RBP2: variants seen among roughly 807,000 people sequenced by gnomAD.
The protein encoded by RBP2 is retinol binding protein 2.
A neutral mutation model predicts 17.0 loss-of-function variants in RBP2; 17 were observed. The observed-to-expected ratio is 1.00, with a 90% CI of 0.68 to 1.50. The LOEUF is 1.50. Among genes scored for constraint, RBP2 ranks in the 40% most tolerant of loss-of-function variants. The pLI is 0.00. For missense variants in RBP2, 158 were observed against 168.2 expected, an observed-to-expected ratio of 0.94 and a Z score of 0.33; for synonymous variants, 48 against 57.1, an observed-to-expected ratio of 0.84 and a Z score of 0.72.
chr3:139,466,229 C>G (rs1289402814), intron 1 of RBP2, among the ~76,000 whole-genome samples: 1 of 152,020 alleles, frequency 6.6e-6, no homozygotes, highest in Non-Finnish European at 1.5e-5. Context: ...GCCACGGAGC[C>G]CCTCTGTGGA....
In RBP2 at chr3:139,462,182, T is replaced by G. The variant is rs1933212796; in HGVS notation, c.182A>C (p.Tyr61Ser). ...KTKTTSTFRN[Y>S]DVDFTVGVEF... ...TACTCCAACAGTGAAATCCACATCA[T>G]AGTTGCGGAATGTGCTAGTGGTTTT... The change falls in exon 2 of 4, where the codon TAT becomes TCT. Residue 61 changes from tyrosine (Y) to serine (S), a missense_variant. Transcript: ENST00000232217. The G allele has an allele frequency of 6.2e-7, 1 of 1,614,156 alleles. No individual in the cohort carries two copies. The highest frequency in any genetic ancestry group is 8.5e-7 in the Non-Finnish European group (1 of 1,180,000).
intron 1 of RBP2, among the ~76,000 whole-genome samples, chr3:139,473,696 G>GAT (rs1293497464): frequency 1.3e-5 from 2 of 152,226 alleles, no homozygotes; most frequent in African/African-American, 4.8e-5. Flanking sequence ...TAGCAGGTTA[G>GAT]ATTGAAGGGG....
chr3:139,469,683 G>GTCTGTCTA (rs376955306), intron 1 of RBP2, among the ~76,000 whole-genome samples: 13 of 127,550 alleles, frequency 1.0e-4, no homozygotes, highest in Non-Finnish European at 1.4e-4. Flanking sequence ...CTGTCTGTCT[G>GTCTGTCTA]TCTGTCTATC....
intron 2 of RBP2, among the ~76,000 whole-genome samples, chr3:139,456,707 G>T (rs974454520): frequency 6.6e-6 from 1 of 152,110 alleles, no homozygotes; most frequent in Non-Finnish European, 1.5e-5. Flanking sequence ...GGCTAGGATA[G>T]AAAGAAAATG....
chr3:139,460,478 A>T (rs1933148933), intron 2 of RBP2, among the ~76,000 whole-genome samples: 3 of 152,180 alleles, frequency 2.0e-5, no homozygotes. Context: ...GGACAACTTG[A>T]CTGAGAAATA....
At chr3:139,456,973 C>T (rs1411931846) in intron 2 of RBP2, among the ~76,000 whole-genome samples, 1 of 152,096 alleles carries the variant, frequency 6.6e-6, no homozygotes, top group African/African-American at 2.4e-5. Context: ...CTGAGTTTTC[C>T]TCTAAAGAGA....
chr3:139,454,823 A>G lies in RBP2; in HGVS notation c.260T>C (p.Val87Ala). The G allele has an allele frequency of 1.2e-6, 2 of 1,614,130 alleles. No individual in the cohort carries two copies. Among genetic ancestry groups the G allele is most frequent in the East Asian group, 2.2e-5 (1 of 44,868 alleles). The change falls in exon 3 of 4, where the codon GTC becomes GCC. Residue 87 changes from valine (V) to alanine (A), a missense_variant. Transcript: ENST00000232217. Reference sequence around the variant, plus strand: ...CACAAGGACATCACCTTCCCAGGTGACCAGTGCCTGTAAAGACAGATTCCC... The same window carrying G: ...CACAAGGACATCACCTTCCCAGGTGGCCAGTGCCTGTAAAGACAGATTCCC... ...SLDNRHVKAL[V>A]TWEGDVLVCV...
chr3:139,457,413 A>T (rs945264573), intron 2 of RBP2, among the ~76,000 whole-genome samples: 2 of 152,208 alleles, frequency 1.3e-5, no homozygotes, highest in African/African-American at 2.4e-5. Context: ...GGCATGTAGT[A>T]GGGGCTTAGC....
chr3:139,472,530 G>A (rs1428617133), intron 1 of RBP2, among the ~76,000 whole-genome samples: 1 of 152,172 alleles, frequency 6.6e-6, no homozygotes, highest in African/African-American at 2.4e-5. Context: ...CCAGCATGCT[G>A]TGAAGAAACC....
At chr3:139,465,673 G>C (rs571849821) in intron 1 of RBP2, among the ~76,000 whole-genome samples, 2 of 152,298 alleles carry the variant, frequency 1.3e-5, no homozygotes, top group South Asian at 4.1e-4. Flanking sequence ...GAGACACAGG[G>C]ACTGTGGGAT....
chr3:139,473,201 A>G (rs1330555416), intron 1 of RBP2, among the ~76,000 whole-genome samples: 5 of 152,220 alleles, frequency 3.3e-5, no homozygotes, highest in Non-Finnish European at 7.3e-5. Flanking sequence ...AGAAGGCAGG[A>G]GAGGAAGTAC....
chr3:139,474,511 C>CT (rs1469512108), intron 1 of RBP2, among the ~76,000 whole-genome samples: 2 of 152,222 alleles, frequency 1.3e-5, no homozygotes, highest in Non-Finnish European at 2.9e-5. Flanking sequence ...CACAAGGTTT[C>CT]TTTCTAATTA....
At chr3:139,474,544 C>T (rs1933664796) in intron 1 of RBP2, among the ~76,000 whole-genome samples, 1 of 152,244 alleles carries the variant, frequency 6.6e-6, no homozygotes, top group South Asian at 2.1e-4. Context: ...CTGGCTTATT[C>T]AGCATATTGC....
chr3:139,457,798 G>A (rs1205430547), intron 2 of RBP2, among the ~76,000 whole-genome samples: 1 of 152,138 alleles, frequency 6.6e-6, no homozygotes, highest in Non-Finnish European at 1.5e-5. Flanking sequence ...GATAAAGAAG[G>A]AGTACATTCC....
At chr3:139,461,430 G>T (rs1408261950) in intron 2 of RBP2, among the ~76,000 whole-genome samples, 1 of 152,134 alleles carries the variant, frequency 6.6e-6, no homozygotes, top group Non-Finnish European at 1.5e-5. Flanking sequence ...GAGTTGCCTA[G>T]ATTATCCCTT....
chr3:139,457,107 A>G (rs1932998599), intron 2 of RBP2, among the ~76,000 whole-genome samples: 1 of 152,198 alleles, frequency 6.6e-6, no homozygotes, highest in African/African-American at 2.4e-5. Context: ...TGTCTCCCCC[A>G]GTAGACAGTA....
At chr3:139,472,791 A>G (rs1287329678) in intron 1 of RBP2, among the ~76,000 whole-genome samples, 1 of 152,208 alleles carries the variant, frequency 6.6e-6, no homozygotes, top group East Asian at 1.9e-4. Context: ...TTTTGGGGGT[A>G]ATTCATCAAA....
In RBP2 at chr3:139,471,420, G is replaced by A. The variant is rs186097668; in HGVS notation, c.73+4967C>T. 7.2e-5 allele frequency among the ~76,000 whole-genome samples: 11 copies of A among 152,310 alleles called. No individual in the cohort carries two copies. The East Asian group carries it at 1.5e-3, about 21-fold the overall frequency. On this transcript the variant is annotated intron_variant, in intron 1 of 3. Coordinates refer to ENST00000232217, the MANE Select transcript of RBP2 (RefSeq NM_004164.3). ...GGAGCTGTCTGACTTCAGCCTCTCA[G>A]GGCTCTGCCTTCCTAGTGGAGCTTT...
At chr3:139,473,097 T>G (rs1933617101) in intron 1 of RBP2, among the ~76,000 whole-genome samples, 1 of 152,188 alleles carries the variant, frequency 6.6e-6, no homozygotes, top group African/African-American at 2.4e-5. Context: ...AGGACTGACT[T>G]CAGGACATGA....
Sources: allele counts gnomAD v4.1 joint callset (sites outside exome capture counted in the v4.1 genomes callset), GRCh38; gene constraint gnomAD v4.1.1; transcripts MANE v1.5; gene names NCBI Gene and HGNC (gene_info 2026-07-23, HGNC 2026-07-21).